ANK1: variants seen among roughly 807,000 people sequenced by gnomAD.
The protein encoded by ANK1 is ankyrin-1.
Under a neutral mutation model 210.4 loss-of-function variants are expected in ANK1, and 51 were observed. The ratio of observed to expected loss-of-function variants is 0.24; its 90% confidence interval spans 0.19 to 0.31. The LOEUF (loss-of-function observed/expected upper bound fraction) is 0.31. Ranked by LOEUF, ANK1 falls within the 10% of genes least tolerant of loss-of-function variation. The pLI is 1.00. For missense variants in ANK1, 2,051 were observed against 2,504.4 expected, an observed-to-expected ratio of 0.82 and a Z score of 3.86; for synonymous variants, 967 against 1,025.9, an observed-to-expected ratio of 0.94 and a Z score of 1.10.
In ANK1 at chr8:41,874,252, C is replaced by T. The variant is rs546115173; in HGVS notation, c.126+22103G>A. Among the ~76,000 whole-genome samples the T allele has an allele frequency of 5.3e-5, 8 of 152,316 alleles. No individual in the cohort carries two copies. The South Asian group carries it at 8.3e-4, about 16-fold the overall frequency. On this transcript the variant is annotated intron_variant, in intron 1 of 42. Transcript: ENST00000265709. ...CACCCTTGTTGGACTGCAGCTACAA[C>T]AAAAATAGAGCCTCCTATAGCCGCC...
chr8:41,786,039 A>C (rs1046592455), intron 1 of ANK1, among the ~76,000 whole-genome samples: 13 of 152,124 alleles, frequency 8.5e-5, no homozygotes, highest in African/African-American at 3.1e-4. Context: ...TCGTCCCTTG[A>C]TTCCCTCCGA....
rs1457466693 is a variant in ANK1, at chr8:41,684,662, G to T, written c.4419C>A (p.Ser1473Arg). 2 of 1,613,626 alleles carry T rather than the reference G, an allele frequency of 1.2e-6. No homozygotes were observed. The highest frequency in any genetic ancestry group is 2.7e-5 in the African/African-American group (2 of 74,912). ...NMENLYTALQ[S>R]IDRGEIVNML... ...TGTTCACGATCTCGCCACGGTCAAT[G>T]CTCTGCAGGGCTGTGTACAGATTCT... The change falls in exon 37 of 43, where the codon AGC becomes AGA. Residue 1473 changes from serine to arginine, a missense_variant. Ser to Arg is a moderately radical substitution (Grantham distance 110). Transcript: ENST00000289734.
At chr8:41,718,722 AGGT>A (rs1394411763) in intron 10 of ANK1, among the ~76,000 whole-genome samples, 1 of 151,986 alleles carries the variant, frequency 6.6e-6, no homozygotes, top group Non-Finnish European at 1.5e-5. Flanking sequence ...CAAACACGGG[AGGT>A]GGTGGTGGGG....
Position 41,654,080 on chromosome 8 carries a change from A to C in ANK1, c.*1710T>G, listed in dbSNP as rs1804914653. The C allele has an allele frequency of 6.6e-6, 1 of 152,172 alleles. No homozygotes were observed. The highest frequency in any genetic ancestry group is 1.5e-5 in the Non-Finnish European group (1 of 67,946). 9.4% of individuals were successfully genotyped at this position (152,172 alleles called of 1,614,324 possible). On this transcript the variant is annotated 3_prime_UTR_variant, in exon 43 of 43. Coordinates refer to ENST00000289734, the MANE Select transcript of ANK1 (RefSeq NM_000037.4). ...GTGTGTCCCGAGGACACTCCCGCAG[A>C]GCGGCGGGGCGGACGGGGCCGGGCC...
chr8:41,751,333 T>C (rs2150702148), intron 2 of ANK1, among the ~76,000 whole-genome samples: 1 of 152,254 alleles, frequency 6.6e-6, no homozygotes, highest in South Asian at 2.1e-4. Flanking sequence ...TCCCCAATCA[T>C]GGGTTTTGCC....
chr8:41,734,996 AAAAC>A (rs145809657), intron 2 of ANK1, among the ~76,000 whole-genome samples: 1,765 of 152,326 alleles, frequency 0.012, 30 homozygotes, highest in African/African-American at 0.04. Context: ...GGAAAAGCAA[AAAAC>A]AAACAAACAA....
At chr8:41,723,061 T>G in intron 9 of ANK1, 64 bp downstream of exon 9, 3 of 1,391,978 alleles carry the variant, frequency 2.2e-6, no homozygotes, top group Non-Finnish European at 3.1e-6. Context: ...TAGGATTTGA[T>G]GCCAGGTCTG....
intron 1 of ANK1, among the ~76,000 whole-genome samples, chr8:41,837,146 T>G (rs1466967447): frequency 6.6e-6 from 1 of 152,136 alleles, no homozygotes; most frequent in Non-Finnish European, 1.5e-5. Context: ...GGAGATAATA[T>G]CATCAACCCC....
intron 42 of ANK1, chr8:41,661,015 T>A (rs1262779313): frequency 3.5e-6 from 1 of 285,880 alleles, no homozygotes; most frequent in Admixed American, 5.1e-5. Flanking sequence ...CTTTTACTTT[T>A]CAAAGAGCAT....
chr8:41,866,739 A>G (rs1814540234), intron 1 of ANK1, among the ~76,000 whole-genome samples: 2 of 152,228 alleles, frequency 1.3e-5, no homozygotes, highest in South Asian at 4.1e-4. Flanking sequence ...TATTTCACTC[A>G]GCACATCGTC....
intron 13 of ANK1, 98 bp downstream of exon 13, chr8:41,716,855 A>T: frequency 8.1e-7 from 1 of 1,236,224 alleles, no homozygotes; most frequent in Non-Finnish European, 1.2e-6. Context: ...TCCCCAGGCC[A>T]CAGCACTGCA....
intron 1 of ANK1, among the ~76,000 whole-genome samples, chr8:41,772,109 T>A (rs570344328): frequency 6.6e-6 from 1 of 152,270 alleles, no homozygotes; most frequent in South Asian, 2.1e-4. Context: ...GAGAAGGGCA[T>A]CCTGGCAGCT....
At chr8:41,802,997 GAA>G (rs1391178632) in intron 1 of ANK1, among the ~76,000 whole-genome samples, 3,245 of 53,876 alleles carry the variant, frequency 0.06, 189 homozygotes, top group South Asian at 0.096. Context: ...GAGAAAGAGA[GAA>G]AGAAAGAAAG....
At chr8:41,737,005 T>C (rs1035381113) in intron 2 of ANK1, among the ~76,000 whole-genome samples, 6 of 152,186 alleles carry the variant, frequency 3.9e-5, no homozygotes, top group African/African-American at 1.4e-4. Flanking sequence ...CGCTAAAAAC[T>C]ACTGTGATAA....
chr8:41,846,947 C>T (rs548888940), intron 1 of ANK1, among the ~76,000 whole-genome samples: 4 of 152,318 alleles, frequency 2.6e-5, no homozygotes, highest in South Asian at 2.1e-4. Context: ...CTCGGCCTGC[C>T]ACTCCCTGCA....
intron 1 of ANK1, among the ~76,000 whole-genome samples, chr8:41,806,961 C>T (rs965338561): frequency 6.6e-6 from 1 of 152,122 alleles, no homozygotes; most frequent in Non-Finnish European, 1.5e-5. Flanking sequence ...ACTTCTTATC[C>T]TTATAAGAGG....
chr8:41,682,903 C>T lies in ANK1; in HGVS notation c.4537+1641G>A, dbSNP rs543929588. Among the ~76,000 whole-genome samples the T allele has an allele frequency of 2.0e-5, 3 of 152,302 alleles. No individual in the cohort carries two copies. In the South Asian group the frequency reaches 6.2e-4, roughly 32 times the overall value. On this transcript the variant is annotated intron_variant, in intron 37 of 42. Transcript: ENST00000289734. Reference sequence around the variant, plus strand: ...CCCCAGGTTTGTGGCTTCCCTCAACCGCCCTCAGCCCACTGAGCTCCTGTA... The same window carrying T: ...CCCCAGGTTTGTGGCTTCCCTCAACTGCCCTCAGCCCACTGAGCTCCTGTA...
chr8:41,830,255 G>A (rs1342199200), intron 1 of ANK1, among the ~76,000 whole-genome samples: 1 of 150,694 alleles, frequency 6.6e-6, no homozygotes, highest in Non-Finnish European at 1.5e-5. Flanking sequence ...AACAGCCAAA[G>A]CCCCTCTTCT....
In ANK1 at chr8:41,704,002, G is replaced by A; in HGVS notation, c.2295+39C>T. 6.3e-7 allele frequency: 1 copy of A among 1,575,804 alleles called. No individual in the cohort carries two copies. The highest frequency in any genetic ancestry group is 8.7e-7 in the Non-Finnish European group (1 of 1,145,742). Reference sequence around the variant, plus strand: ...AGTTCACACAGGGCTGCTGCCATGGGGAGCAGTTTTCTAAACTCAGGAGAG... The same window carrying A: ...AGTTCACACAGGGCTGCTGCCATGGAGAGCAGTTTTCTAAACTCAGGAGAG... On this transcript the variant is annotated intron_variant, in intron 20 of 42. Coordinates refer to ENST00000289734, the MANE Select transcript of ANK1 (RefSeq NM_000037.4). This position sits in a 1 kb window ranked among gnomAD's most constrained non-coding sequence, Gnocchi z 4.1.
Sources: gnomAD v4.1 joint callset for allele counts (sites outside exome capture counted in the v4.1 genomes callset) on GRCh38, gnomAD v4.1.1 for gene constraint, Gnocchi (gnomAD v3.1) non-coding constraint, MANE v1.5 for transcripts, NCBI Gene and HGNC (gene_info 2026-07-23, HGNC 2026-07-21) for gene names.